The following RGS8 variants were observed in gnomAD, a reference collection of about 807,000 sequenced individuals.
RGS8 encodes regulator of G protein signaling 8, also known as regulator of G-protein signaling 8.
Under a neutral mutation model 21.7 loss-of-function variants are expected in RGS8, and 8 were observed. The ratio of observed to expected loss-of-function variants is 0.37; its 90% CI spans 0.22 to 0.66. RGS8 has a LOEUF of 0.66. RGS8 is among the 30% of genes least tolerant of loss of function. The pLI, the probability that RGS8 is intolerant of heterozygous loss-of-function variation, is 0.59. For synonymous variants in RGS8, 80 were observed against 83.6 expected (o/e 0.96, Z 0.24); for missense variants, 157 against 217.9 (o/e 0.72, Z 1.76).
the RGS8 span, among the ~76,000 whole-genome samples, chr1:182,715,522 T>C: frequency 3.9e-5 from 6 of 152,220 alleles, no homozygotes; most frequent in South Asian, 1.2e-3. Context: ...TTCCTAACTT[T>C]AGCCCATATC....
the RGS8 span, among the ~76,000 whole-genome samples, chr1:182,723,107 T>C: frequency 6.6e-6 from 1 of 152,216 alleles, no homozygotes; most frequent in Non-Finnish European, 1.5e-5. Flanking sequence ...AAAATCTGTT[T>C]CCAAATAAGG....
At chr1:182,718,548 T>C in the RGS8 span, among the ~76,000 whole-genome samples, 2 of 152,164 alleles carry the variant, frequency 1.3e-5, no homozygotes, top group Non-Finnish European at 1.5e-5. Flanking sequence ...GTGGGAGCCA[T>C]GATACTGCAG....
At chr1:182,708,846 G>A in the RGS8 span, among the ~76,000 whole-genome samples, 2 of 152,214 alleles carry the variant, frequency 1.3e-5, no homozygotes, top group African/African-American at 4.8e-5. Flanking sequence ...ACTTCTGAAT[G>A]TCCAAGTTGA....
At chr1:182,692,364 C>T in the RGS8 span, among the ~76,000 whole-genome samples, 2 of 151,972 alleles carry the variant, frequency 1.3e-5, no homozygotes, top group South Asian at 4.2e-4. Context: ...CAATGCAATC[C>T]CATTTACAAT....
chr1:182,693,144 G>T, the RGS8 span, among the ~76,000 whole-genome samples: 2 of 152,156 alleles, frequency 1.3e-5, no homozygotes, highest in East Asian at 1.9e-4. Context: ...TAATTAAAGA[G>T]CTTCTACAGA....
chr1:182,707,984 G>C, the RGS8 span, among the ~76,000 whole-genome samples: 1 of 152,152 alleles, frequency 6.6e-6, no homozygotes, highest in South Asian at 2.1e-4. Flanking sequence ...GGGATTACAG[G>C]CATTAGATGC....
chr1:182,660,365 G>C (rs1432770380), intron 5 of RGS8, among the ~76,000 whole-genome samples: 1 of 152,068 alleles, frequency 6.6e-6, no homozygotes, highest in African/African-American at 2.4e-5. Flanking sequence ...TTTAATAGTT[G>C]CCTAATATAT....
At chr1:182,720,948 T>C in the RGS8 span, among the ~76,000 whole-genome samples, 2 of 78,084 alleles carry the variant, frequency 2.6e-5, no homozygotes, top group African/African-American at 1.0e-4. Flanking sequence ...TATATATACA[T>C]ATATACATAC....
chr1:182,710,535 C>T, the RGS8 span, among the ~76,000 whole-genome samples: 1 of 152,122 alleles, frequency 6.6e-6, no homozygotes, highest in Non-Finnish European at 1.5e-5. Context: ...GTGTGTTCAG[C>T]CATCCCCATA....
chr1:182,674,379 A>C (rs148873578), upstream of RGS8, among the ~76,000 whole-genome samples: 1 of 152,378 alleles, frequency 6.6e-6, no homozygotes, highest in East Asian at 1.9e-4. Context: ...AAAATGTAAA[A>C]GAAAGAACAG....
At chr1:182,735,774 A>G in the RGS8 span, among the ~76,000 whole-genome samples, 1 of 152,226 alleles carries the variant, frequency 6.6e-6, no homozygotes, top group Non-Finnish European at 1.5e-5. Context: ...ATCTGAAGGC[A>G]TGGCTCATTT....
the RGS8 span, among the ~76,000 whole-genome samples, chr1:182,723,695 G>C: frequency 1.4e-4 from 21 of 152,068 alleles, no homozygotes; most frequent in Admixed American, 7.9e-4. Flanking sequence ...CAGGTCCTTG[G>C]GGGTCATCTT....
chr1:182,666,584 A>G (rs1663871129), intron 4 of RGS8, among the ~76,000 whole-genome samples: 1 of 152,090 alleles, frequency 6.6e-6, no homozygotes, highest in East Asian at 1.9e-4. Context: ...CAGATTGACA[A>G]CTAAGTAGAA....
the RGS8 span, among the ~76,000 whole-genome samples, chr1:182,715,734 C>T: frequency 6.6e-6 from 1 of 152,130 alleles, no homozygotes; most frequent in Admixed American, 6.5e-5. Context: ...GGGAGCCAAG[C>T]CTGCCAGGTG....
intron 5 of RGS8, among the ~76,000 whole-genome samples, chr1:182,663,467 C>T (rs1663701113): frequency 1.3e-5 from 2 of 152,202 alleles, no homozygotes; most frequent in South Asian, 4.1e-4. Flanking sequence ...GATCACAAAA[C>T]TTCAAAGTTC....
rs527763477 is a variant in RGS8 at position 182,653,826 on chromosome 1, G to T, written c.194-5523C>A. 4.6e-5 allele frequency among the ~76,000 whole-genome samples: 7 copies of T among 152,344 alleles called. No homozygotes were observed. In the East Asian group the frequency reaches 1.3e-3, roughly 29 times the overall value. ...CTAACTGACAAAATGTTGCACCCAGGAAGGTAGAAGAAATAGGATGAGGAG... is the reference window on the plus strand; with the variant it reads ...CTAACTGACAAAATGTTGCACCCAGTAAGGTAGAAGAAATAGGATGAGGAG... On this transcript the variant is annotated intron_variant, in intron 5 of 6. Transcript: ENST00000483095.
intron 4 of RGS8, among the ~76,000 whole-genome samples, chr1:182,666,593 A>C (rs530490523): frequency 1.6e-4 from 24 of 152,142 alleles, no homozygotes; most frequent in Non-Finnish European, 2.6e-4. Flanking sequence ...AACTAAGTAG[A>C]ACCAAGAAGT....
the RGS8 span, among the ~76,000 whole-genome samples, chr1:182,720,350 C>G: frequency 6.6e-6 from 1 of 152,134 alleles, no homozygotes; most frequent in Non-Finnish European, 1.5e-5. Context: ...AAAGTTATCT[C>G]GCAAAAATCT....
intron 1 of RGS8, among the ~76,000 whole-genome samples, chr1:182,679,447 T>C (rs1033801128): frequency 7.2e-5 from 11 of 152,218 alleles, no homozygotes; most frequent in Non-Finnish European, 1.3e-4. Flanking sequence ...GCCCTTCCCC[T>C]TGGTCTCCTT....
Sources: allele counts gnomAD v4.1 joint callset (sites outside exome capture counted in the v4.1 genomes callset), GRCh38; gene constraint gnomAD v4.1.1; transcripts MANE v1.5; gene names NCBI Gene and HGNC (gene_info 2026-07-23, HGNC 2026-07-21).